The following CCDC7 variants were observed in gnomAD, a reference collection of about 807,000 sequenced individuals.
CCDC7 encodes the protein coiled-coil domain containing 7.
Under a neutral mutation model 196.9 loss-of-function variants are expected in CCDC7, and 183 were observed. That is an observed-to-expected ratio of 0.93 (90% CI 0.82 to 1.05). CCDC7 has a LOEUF of 1.05. CCDC7 is among the 50% of genes least tolerant of loss of function. CCDC7 has a pLI of 0.00. For synonymous variants in CCDC7, 525 were observed against 484.6 expected (o/e 1.08, Z -1.10); for missense variants, 1,540 against 1,482.2 (o/e 1.04, Z -0.64).
At chr10:32,851,928 T>C (rs140797225) in exon 40 of CCDC7, 39 of 1,587,758 alleles carry the variant, frequency 2.5e-5, no homozygotes, top group Non-Finnish European at 3.0e-5. Context: ...ATCAACTCCC[T>C]TCAGGTAATT....
chr10:32,626,538 C>G (rs967933539), intron 18 of CCDC7, among the ~76,000 whole-genome samples: 2 of 151,724 alleles, frequency 1.3e-5, no homozygotes, highest in Non-Finnish European at 2.9e-5. Flanking sequence ...TAATAATTTC[C>G]TTTGCTGTGC....
chr10:32,837,547 C>T (rs1368960035), intron 33 of CCDC7, among the ~76,000 whole-genome samples: 1 of 151,792 alleles, frequency 6.6e-6, no homozygotes, highest in East Asian at 1.9e-4. Flanking sequence ...ACTAGAAATA[C>T]CATTTGACCC....
chr10:32,601,089 G>T (rs944335959), intron 18 of CCDC7, among the ~76,000 whole-genome samples: 25 of 152,120 alleles, frequency 1.6e-4, no homozygotes. Flanking sequence ...TCTTATTGAG[G>T]CTCGCTTGTA....
At chr10:32,817,707 T>G (rs1432528608) in intron 31 of CCDC7, among the ~76,000 whole-genome samples, 20 of 152,330 alleles carry the variant, frequency 1.3e-4, no homozygotes, top group South Asian at 2.1e-4. Flanking sequence ...AAAAGAATTT[T>G]CAACTCAGAA....
exon 23 of CCDC7, chr10:32,689,106 T>G (rs747689885): frequency 6.2e-7 from 1 of 1,609,060 alleles, no homozygotes; most frequent in Non-Finnish European, 8.5e-7. Context: ...AGACTCAATG[T>G]CAAAATCAGA....
At chr10:32,453,687 TA>T (rs2033670044) in intron 2 of CCDC7, among the ~76,000 whole-genome samples, 1 of 152,100 alleles carries the variant, frequency 6.6e-6, no homozygotes, top group Admixed American at 6.5e-5. Context: ...ATTTTAAAGA[TA>T]GAGAATAATC....
At chr10:32,486,963 A>G (rs2041229175) in intron 8 of CCDC7, among the ~76,000 whole-genome samples, 1 of 151,676 alleles carries the variant, frequency 6.6e-6, no homozygotes, top group Admixed American at 6.6e-5. Context: ...TCTGACAATT[A>G]TATGTCTTGG....
At chr10:32,557,705 T>C (rs1452152772) in intron 13 of CCDC7, among the ~76,000 whole-genome samples, 2 of 152,136 alleles carry the variant, frequency 1.3e-5, no homozygotes, top group Non-Finnish European at 2.9e-5. Flanking sequence ...ATTTTTTTTT[T>C]AAAGAGACAT....
At chr10:32,728,824 A>G (rs1592115542) in intron 26 of CCDC7, 63 bp from the exon 28 acceptor site, 1 of 835,372 alleles carries the variant, frequency 1.2e-6, no homozygotes, top group Non-Finnish European at 1.8e-6. Context: ...AGAGAAATGT[A>G]CATATTATAC....
At chr10:32,667,525 C>T (rs933523548) in intron 21 of CCDC7, among the ~76,000 whole-genome samples, 33 of 152,098 alleles carry the variant, frequency 2.2e-4, no homozygotes, top group African/African-American at 8.0e-4. Context: ...AGTCTTTAAT[C>T]CACGTGAATT....
At chr10:32,795,633 C>A (rs2083434624) in intron 29 of CCDC7, among the ~76,000 whole-genome samples, 1 of 152,074 alleles carries the variant, frequency 6.6e-6, no homozygotes, top group African/African-American at 2.4e-5. Flanking sequence ...GGATGTATTC[C>A]TGTATCTTTG....
At chr10:32,796,483 C>A (rs187274897) in intron 29 of CCDC7, among the ~76,000 whole-genome samples, 1 of 152,136 alleles carries the variant, frequency 6.6e-6, no homozygotes, top group Non-Finnish European at 1.5e-5. Flanking sequence ...TTCTATCTCC[C>A]AAATATAGTA....
chr10:32,781,639 A>G (rs2081079550), intron 29 of CCDC7, among the ~76,000 whole-genome samples: 1 of 152,230 alleles, frequency 6.6e-6, no homozygotes, highest in Non-Finnish European at 1.5e-5. Flanking sequence ...CAAGCTAGGA[A>G]TAGAGCACTT....
intron 24 of CCDC7, among the ~76,000 whole-genome samples, chr10:32,700,017 T>C (rs1467297348): frequency 6.7e-6 from 1 of 149,554 alleles, no homozygotes; most frequent in Admixed American, 6.6e-5. Flanking sequence ...CTGTTCACTC[T>C]GATGGTAGTT....
intron 14 of CCDC7, among the ~76,000 whole-genome samples, chr10:32,565,824 A>G (rs1217456022): frequency 6.6e-6 from 1 of 152,250 alleles, no homozygotes; most frequent in Non-Finnish European, 1.5e-5. Flanking sequence ...AGCGAGATAT[A>G]AAGAAAAGTA....
At chr10:32,819,092 A>G (rs1039858834) in intron 31 of CCDC7, among the ~76,000 whole-genome samples, 1 of 152,198 alleles carries the variant, frequency 6.6e-6, no homozygotes, top group Non-Finnish European at 1.5e-5. Context: ...AAGAAAGGAG[A>G]GAAGAATCAA....
chr10:32,596,816 T>C (rs1313558809), intron 18 of CCDC7, among the ~76,000 whole-genome samples: 1 of 152,230 alleles, frequency 6.6e-6, no homozygotes, highest in Non-Finnish European at 1.5e-5. Flanking sequence ...AAATTCTGGG[T>C]TGAAAATTCT....
chr10:32,761,719 T>C (rs1260594293), intron 28 of CCDC7, among the ~76,000 whole-genome samples: 1 of 152,012 alleles, frequency 6.6e-6, no homozygotes, highest in African/African-American at 2.4e-5. Flanking sequence ...GAATTCCCAA[T>C]TTTATAGGAT....
intron 18 of CCDC7, among the ~76,000 whole-genome samples, chr10:32,603,609 C>A (rs1404861856): frequency 7.6e-6 from 1 of 132,004 alleles, no homozygotes; most frequent in African/African-American, 2.6e-5. Flanking sequence ...ACATCTTTGA[C>A]AGTGTTTGTT....
Sources: allele counts gnomAD v4.1 joint callset (sites outside exome capture counted in the v4.1 genomes callset), GRCh38; gene constraint gnomAD v4.1.1; transcripts MANE v1.5; gene names NCBI Gene and HGNC (gene_info 2026-07-23, HGNC 2026-07-21).